RIMS1: variants seen among roughly 807,000 people sequenced by gnomAD.
RIMS1 encodes the protein regulating synaptic membrane exocytosis 1, also known as regulating synaptic membrane exocytosis protein 1.
RIMS1 carries 83 observed loss-of-function variants against 214.1 expected under a neutral mutation model. That is an observed-to-expected ratio of 0.39 (90% CI 0.32 to 0.47). The LOEUF is 0.47. Among genes scored for constraint, RIMS1 ranks in the 20% least tolerant of loss-of-function variants. The pLI, the probability that RIMS1 is intolerant of heterozygous loss-of-function variation, is 0.99. For missense variants in RIMS1, 2,050 were observed against 2,161.8 expected (o/e 0.95, Z 1.03); for synonymous variants, 793 against 786.8 (o/e 1.01, Z -0.13).
intron 6 of RIMS1, among the ~76,000 whole-genome samples, chr6:72,213,723 T>TG (rs1266536906): frequency 6.6e-6 from 1 of 152,298 alleles, no homozygotes; most frequent in East Asian, 1.9e-4. Context: ...CCTGGGTTCT[T>TG]GCGAAAGTAC....
At chr6:72,060,339 A>G (rs1466308356) in intron 2 of RIMS1, among the ~76,000 whole-genome samples, 2 of 151,988 alleles carry the variant, frequency 1.3e-5, no homozygotes, top group Non-Finnish European at 2.9e-5. Context: ...TCTAAACACT[A>G]TTTCAGTGCA....
rs560721646 is a variant in RIMS1 at position 71,988,879 on chromosome 6, G to A, written c.245+19816G>A. On this transcript the variant is annotated intron_variant, in intron 2 of 33. Transcript: ENST00000521978. ...TTGTATGTTACCATCTACATGTGGG[G>A]GCCATTTGTTAATACAACAGCATCA... 3.3e-4 allele frequency among the ~76,000 whole-genome samples: 50 copies of A among 152,172 alleles called. 1 individual carries two copies. Among genetic ancestry groups the A allele is most frequent in the African/African-American group, 1.2e-3 (49 of 41,506 alleles).
intron 29 of RIMS1, among the ~76,000 whole-genome samples, chr6:72,338,629 A>G (rs935299795): frequency 3.8e-4 from 58 of 152,128 alleles, no homozygotes; most frequent in African/African-American, 1.3e-3. Context: ...ACAAGAAAAA[A>G]ACAACCCCAT....
At chr6:72,330,328 G>A (rs2096616435) in intron 28 of RIMS1, among the ~76,000 whole-genome samples, 1 of 151,508 alleles carries the variant, frequency 6.6e-6, no homozygotes, top group South Asian at 2.1e-4. Context: ...AAATAGGAGA[G>A]GATATATAAA....
At chr6:72,342,344 G>T (rs1479916379) in intron 29 of RIMS1, among the ~76,000 whole-genome samples, 1 of 151,660 alleles carries the variant, frequency 6.6e-6, no homozygotes, top group East Asian at 1.9e-4. Context: ...GCTAGAACAG[G>T]ATGTACTCTG....
chr6:72,081,415 A>C (rs1833362863), intron 2 of RIMS1, among the ~76,000 whole-genome samples: 1 of 152,216 alleles, frequency 6.6e-6, no homozygotes, highest in South Asian at 2.1e-4. Context: ...AGTCTATTGA[A>C]TTAAATGCGG....
chr6:72,218,144 T>C (rs1247057293), intron 6 of RIMS1, among the ~76,000 whole-genome samples: 1 of 151,964 alleles, frequency 6.6e-6, no homozygotes, highest in African/African-American at 2.4e-5. Context: ...GTAACTATTT[T>C]GCCAAATAGG....
Position 72,268,051 on chromosome 6 carries a change from T to G in RIMS1, c.3398+2002T>G, listed in dbSNP as rs1398619778. Among the ~76,000 whole-genome samples, 4 of 152,260 alleles carry G rather than the reference T, an allele frequency of 2.6e-5. No homozygotes were observed. The East Asian group carries it at 7.7e-4, about 29-fold the overall frequency. ...AGCAATTATTTTATGTAATGTAAAA[T>G]AAACAATTATTTTATGTAATGTAAA... On this transcript the variant is annotated intron_variant, in intron 22 of 33. Transcript: ENST00000521978.
intron 2 of RIMS1, among the ~76,000 whole-genome samples, chr6:72,036,325 G>C (rs769192319): frequency 6.6e-6 from 1 of 152,220 alleles, no homozygotes; most frequent in Non-Finnish European, 1.5e-5. Context: ...CTGGTTTGCA[G>C]TAATGTCGGG....
chr6:72,178,640 C>G (rs569870024), intron 4 of RIMS1, among the ~76,000 whole-genome samples: 1 of 152,264 alleles, frequency 6.6e-6, no homozygotes, highest in Admixed American at 6.5e-5. Flanking sequence ...AGTCACAGCA[C>G]AAAGAAACAG....
intron 6 of RIMS1, among the ~76,000 whole-genome samples, chr6:72,200,857 T>TTTGTGTGTGTG (rs1281701485): frequency 1.2e-4 from 17 of 146,156 alleles, no homozygotes; most frequent in Non-Finnish European, 2.0e-4. Flanking sequence ...AAGGACACAA[T>TTTGTGTGTGTG]TGTGTGTGTG....
At chr6:72,093,503 T>G (rs535468360) in intron 2 of RIMS1, among the ~76,000 whole-genome samples, 1 of 152,078 alleles carries the variant, frequency 6.6e-6, no homozygotes, top group Admixed American at 6.6e-5. Flanking sequence ...GAGATCTCTT[T>G]TTTCTATCCT....
intron 2 of RIMS1, among the ~76,000 whole-genome samples, chr6:72,088,807 G>A (rs1835381957): frequency 6.6e-6 from 1 of 152,000 alleles, no homozygotes; most frequent in Admixed American, 6.6e-5. Context: ...ATTTGCTTGG[G>A]GAACTGAATC....
At chr6:72,387,322 G>A (rs963318052) in intron 29 of RIMS1, among the ~76,000 whole-genome samples, 5 of 152,162 alleles carry the variant, frequency 3.3e-5, no homozygotes, top group African/African-American at 7.2e-5. Context: ...CATGATCCTC[G>A]TGATTTTCAA....
At chr6:72,123,745 T>C (rs2038915923) in intron 4 of RIMS1, among the ~76,000 whole-genome samples, 2 of 151,868 alleles carry the variant, frequency 1.3e-5, no homozygotes, top group South Asian at 2.1e-4. Context: ...TTTGTCTCTT[T>C]TGATCTTTGT....
intron 2 of RIMS1, among the ~76,000 whole-genome samples, chr6:71,991,743 A>C (rs1170340922): frequency 6.6e-6 from 1 of 152,218 alleles, no homozygotes. Context: ...CTTATTTAAA[A>C]AATTACTTGT....
intron 4 of RIMS1, among the ~76,000 whole-genome samples, chr6:72,100,584 A>T (rs373907189): frequency 3.0e-4 from 40 of 135,066 alleles, no homozygotes; most frequent in African/African-American, 8.8e-4. Flanking sequence ...GCCTGGGAAG[A>T]TAGGCTCCAA....
chr6:72,200,539 T>C (rs995570384), intron 6 of RIMS1, among the ~76,000 whole-genome samples: 1 of 152,194 alleles, frequency 6.6e-6, no homozygotes, highest in Non-Finnish European at 1.5e-5. Flanking sequence ...ATTTGGACAA[T>C]TGGACAGGTT....
intron 4 of RIMS1, among the ~76,000 whole-genome samples, chr6:72,159,333 A>G (rs1366929361): frequency 5.7e-5 from 8 of 140,152 alleles, no homozygotes; most frequent in East Asian, 2.0e-4. Flanking sequence ...ATTTTCTCCC[A>G]TTCTGTAGGT....
Sources: allele counts gnomAD v4.1 joint callset (sites outside exome capture counted in the v4.1 genomes callset), GRCh38; gene constraint gnomAD v4.1.1; transcripts MANE v1.5; gene names NCBI Gene and HGNC (gene_info 2026-07-23, HGNC 2026-07-21).